Variants in CCDC149 observed in about 807,000 individuals in gnomAD.
CCDC149 encodes the protein coiled-coil domain containing 149.
A neutral mutation model predicts 59.9 loss-of-function variants in CCDC149; 45 were observed. The ratio of observed to expected loss-of-function variants is 0.75; its 90% CI spans 0.59 to 0.96. The LOEUF (loss-of-function observed/expected upper bound fraction) is 0.96, where lower values mean the gene tolerates loss of function less well. Ranked by LOEUF, CCDC149 falls within the 40% of genes least tolerant of loss-of-function variation. The pLI, the probability that CCDC149 is intolerant of heterozygous loss-of-function variation, is 0.00. For synonymous variants in CCDC149, 245 were observed against 260.6 expected (o/e 0.94, Z 0.58); for missense variants, 584 against 664.7 (o/e 0.88, Z 1.33).
intron 12 of CCDC149, among the ~76,000 whole-genome samples, chr4:24,813,224 A>G (rs1233110518): frequency 2.0e-5 from 3 of 152,086 alleles, no homozygotes; most frequent in Non-Finnish European, 4.4e-5. Flanking sequence ...CAAAACAGGA[A>G]GAAGGCCCTC....
At chr4:24,833,635 T>C (rs1577392684) in intron 8 of CCDC149, among the ~76,000 whole-genome samples, 1 of 152,238 alleles carries the variant, frequency 6.6e-6, no homozygotes, top group South Asian at 2.1e-4. Context: ...AAAAAAGATA[T>C]AGAATTATTT....
chr4:24,953,637 A>G (rs929248560), intron 1 of CCDC149, among the ~76,000 whole-genome samples: 2 of 152,348 alleles, frequency 1.3e-5, no homozygotes, highest in African/African-American at 2.4e-5. Context: ...TTCAACAAAA[A>G]TACTTCAAAG....
At chr4:24,821,380 C>T (rs1715384483) in intron 10 of CCDC149, among the ~76,000 whole-genome samples, 1 of 152,170 alleles carries the variant, frequency 6.6e-6, no homozygotes, top group Admixed American at 6.5e-5. Context: ...GAAAGGCCTT[C>T]CTAGAAGATG....
intron 1 of CCDC149, among the ~76,000 whole-genome samples, chr4:24,887,339 G>T (rs1014829235): frequency 6.6e-6 from 1 of 152,038 alleles, no homozygotes; most frequent in Non-Finnish European, 1.5e-5. Context: ...CTGGTCCTTC[G>T]CGATTTTTAC....
At chr4:24,840,473 G>A (rs1306938055) in intron 4 of CCDC149, among the ~76,000 whole-genome samples, 1 of 152,196 alleles carries the variant, frequency 6.6e-6, no homozygotes, top group Non-Finnish European at 1.5e-5. Flanking sequence ...CAGACATGCA[G>A]AGAGTGGCAA....
chr4:24,820,376 T>C (rs1175634222), intron 11 of CCDC149, among the ~76,000 whole-genome samples: 1 of 152,078 alleles, frequency 6.6e-6, no homozygotes, highest in Non-Finnish European at 1.5e-5. Flanking sequence ...GATGGGCTGA[T>C]AACTGAAAGA....
At position 24,843,210 on chromosome 4, in the gene CCDC149, A is replaced by AGT. The variant is rs562585965; in HGVS notation, c.373-4939_373-4938insAC. On this transcript the variant is annotated intron_variant, in intron 4 of 12. Coordinates refer to ENST00000635206, the MANE Select transcript of CCDC149 (RefSeq NM_001330643.2). ...TACAGTTGGTATAGTTACAATTCTT[A>AGT]CACAGTAGCTGTCAATTTGCCAGAG... 8.3e-4 allele frequency among the ~76,000 whole-genome samples: 126 copies of AGT among 152,320 alleles called. 1 individual carries two copies. The highest frequency in any genetic ancestry group is 2.8e-3 in the African/African-American group (115 of 41,578).
chr4:24,934,658 TC>T (rs2109344167), intron 1 of CCDC149, among the ~76,000 whole-genome samples: 1 of 152,262 alleles, frequency 6.6e-6, no homozygotes, highest in South Asian at 2.1e-4. Context: ...GATATTGTAA[TC>T]TCAGGAAATG....
intron 1 of CCDC149, among the ~76,000 whole-genome samples, chr4:24,974,743 T>A (rs1724101632): frequency 6.6e-6 from 1 of 152,188 alleles, no homozygotes; most frequent in South Asian, 2.1e-4. Context: ...GATGATCCAA[T>A]TCTGTGGGAC....
chr4:24,831,944 T>C (rs532957420), intron 8 of CCDC149, among the ~76,000 whole-genome samples: 13 of 152,228 alleles, frequency 8.5e-5, no homozygotes, highest in Non-Finnish European at 1.9e-4. Flanking sequence ...AGTCTTAAAA[T>C]TGAGGGAAAA....
chr4:24,805,774 C>T (rs1560192589), downstream of CCDC149, among the ~76,000 whole-genome samples: 1 of 152,226 alleles, frequency 6.6e-6, no homozygotes, highest in East Asian at 1.9e-4. Flanking sequence ...GAAACACACA[C>T]ACACACGTAT....
chr4:24,830,676 T>A (rs1716087201), intron 9 of CCDC149: 1 of 152,214 alleles, frequency 6.6e-6, no homozygotes. Flanking sequence ...TGCATTTTGG[T>A]TCCAGGTGTA....
At chr4:24,827,581 G>A (rs764674882) in intron 9 of CCDC149, 10 of 152,206 alleles carry the variant, frequency 6.6e-5, no homozygotes, top group Non-Finnish European at 1.0e-4. Flanking sequence ...CCTCGTCCAC[G>A]AATGCTTTGC....
intron 1 of CCDC149, among the ~76,000 whole-genome samples, chr4:24,899,389 G>A (rs1577465679): frequency 6.6e-6 from 1 of 152,134 alleles, no homozygotes; most frequent in African/African-American, 2.4e-5. Context: ...ACTGAGTAAG[G>A]TGTTTAGTTC....
chr4:24,809,591 G>C (rs1325947388), intron 12 of CCDC149, among the ~76,000 whole-genome samples: 2 of 149,812 alleles, frequency 1.3e-5, no homozygotes, highest in Non-Finnish European at 2.9e-5. Flanking sequence ...GCATGGCGGA[G>C]CCAGCTCTTA....
At position 24,975,479 on chromosome 4, in the gene CCDC149, A is replaced by G. The variant is rs545745352; in HGVS notation, c.-65+4590T>C. On this transcript the variant is annotated intron_variant, in intron 1 of 12. Transcript: ENST00000389609. ...GAGGGAGGGGAGGGGAAGAGAAGAA[A>G]GCGGGGAGGAGAGGGGACAGGAGAG... Among the ~76,000 whole-genome samples the G allele has an allele frequency of 2.3e-3, 287 of 127,320 alleles. 3 individuals carry two copies. The highest frequency in any genetic ancestry group is 8.2e-3 in the African/African-American group (270 of 32,958). 83.5% of individuals were successfully genotyped at this position (127,320 alleles called of 152,430 possible).
chr4:24,936,567 T>A (rs775514658), intron 1 of CCDC149, among the ~76,000 whole-genome samples: 2 of 152,238 alleles, frequency 1.3e-5, no homozygotes, highest in Non-Finnish European at 2.9e-5. Context: ...GTAACAACAT[T>A]CAAAATCTCC....
At chr4:24,832,407 C>A (rs1240439439) in intron 8 of CCDC149, among the ~76,000 whole-genome samples, 2 of 152,152 alleles carry the variant, frequency 1.3e-5, no homozygotes, top group Non-Finnish European at 2.9e-5. Context: ...TATGCAAAAA[C>A]TAGCTGTTCT....
At chr4:24,921,128 G>C (rs1159447771) in intron 1 of CCDC149, among the ~76,000 whole-genome samples, 1 of 152,202 alleles carries the variant, frequency 6.6e-6, no homozygotes, top group Non-Finnish European at 1.5e-5. Flanking sequence ...TGTTTGTTGA[G>C]CTCAATTTAG....
Sources: gnomAD v4.1 joint callset for allele counts (sites outside exome capture counted in the v4.1 genomes callset) on GRCh38, gnomAD v4.1.1 for gene constraint, MANE v1.5 for transcripts, NCBI Gene and HGNC (gene_info 2026-07-23, HGNC 2026-07-21) for gene names.